BST1: variants seen among roughly 807,000 people sequenced by gnomAD.
BST1 encodes the protein ADP-ribosyl cyclase/cyclic ADP-ribose hydrolase 2.
BST1 carries 49 observed loss-of-function variants against 40.6 expected under a neutral mutation model. The observed-to-expected ratio is 1.21, with a 90% CI of 0.96 to 1.53. BST1 has a LOEUF of 1.53. Ranked by LOEUF, BST1 falls within the 40% of genes most tolerant of loss-of-function variation. The pLI is 0.00. For synonymous variants in BST1, 157 were observed against 159.3 expected (o/e 0.99, Z 0.11); for missense variants, 423 against 395.9 (o/e 1.07, Z -0.58).
intron 1 of BST1, chr4:15,704,905 T>C (rs1719792456): frequency 1.3e-6 from 1 of 769,364 alleles, no homozygotes; most frequent in African/African-American, 1.7e-5. Flanking sequence ...TCATTTTTAT[T>C]GTCGCACATT....
At chr4:15,739,747 A>G (rs1489720297), downstream of BST1, among the ~76,000 whole-genome samples, 2 of 152,190 alleles carry the variant, frequency 1.3e-5, no homozygotes, top group Non-Finnish European at 2.9e-5. Context: ...CTCTCAGGGG[A>G]ACACATTAAA....
intron 8 of BST1, among the ~76,000 whole-genome samples, chr4:15,727,548 A>G (rs1360651689): frequency 1.3e-5 from 2 of 152,250 alleles, no homozygotes; most frequent in African/African-American, 4.8e-5. Context: ...ATAATAATGG[A>G]AAACAAATTC....
chr4:15,724,179 G>T (rs1044429822), intron 8 of BST1, among the ~76,000 whole-genome samples: 7 of 152,086 alleles, frequency 4.6e-5, no homozygotes, highest in African/African-American at 1.7e-4. Context: ...CGTTCATTCT[G>T]TACCATCTGC....
intron 1 of BST1, among the ~76,000 whole-genome samples, chr4:15,703,689 A>ATG (rs371100446): frequency 1.6e-4 from 11 of 70,594 alleles, no homozygotes; most frequent in African/African-American, 4.0e-4. Flanking sequence ...CTAGAGGTGG[A>ATG]TGTGTGTGTG....
At chr4:15,765,496 G>A in the BST1 span, among the ~76,000 whole-genome samples, 2 of 151,816 alleles carry the variant, frequency 1.3e-5, no homozygotes, top group South Asian at 2.1e-4. Flanking sequence ...GACAAAACAC[G>A]TCGGGACATG....
chr4:15,712,021 A>G (rs916951918), intron 4 of BST1, 132 bp downstream of exon 4: 1 of 694,222 alleles, frequency 1.4e-6, no homozygotes, highest in Non-Finnish European at 2.5e-6. Context: ...TTACCACATC[A>G]TGATTCATGC....
At chr4:15,715,219 A>G in intron 4 of BST1, 66 bp from the exon 5 acceptor site, 1 of 1,436,918 alleles carries the variant, frequency 7.0e-7, no homozygotes, top group Non-Finnish European at 9.8e-7. Context: ...TTTGTAAAAA[A>G]TGCACATTTC....
the BST1 span, among the ~76,000 whole-genome samples, chr4:15,760,752 G>C: frequency 6.6e-6 from 1 of 151,272 alleles, no homozygotes; most frequent in Non-Finnish European, 1.5e-5. Context: ...GCAGTGGTGT[G>C]ATCTTGGCTT....
the BST1 span, among the ~76,000 whole-genome samples, chr4:15,754,543 T>C: frequency 6.6e-6 from 1 of 152,176 alleles, no homozygotes; most frequent in East Asian, 1.9e-4. Flanking sequence ...CTGTCAGCAC[T>C]GTGTGGTTTT....
intron 6 of BST1, among the ~76,000 whole-genome samples, chr4:15,717,019 C>T (rs1395978149): frequency 1.3e-5 from 2 of 152,004 alleles, no homozygotes; most frequent in Non-Finnish European, 1.5e-5. Context: ...TCAGGTGATC[C>T]ACCTGAGGCT....
downstream of BST1, among the ~76,000 whole-genome samples, chr4:15,734,985 T>C (rs925872350): frequency 1.3e-5 from 2 of 152,026 alleles, no homozygotes; most frequent in Admixed American, 1.3e-4. Flanking sequence ...GTGTAGACAC[T>C]GGTGTGTATT....
intron 8 of BST1, among the ~76,000 whole-genome samples, chr4:15,728,700 T>G (rs890376801): frequency 6.7e-6 from 1 of 150,088 alleles, no homozygotes; most frequent in Non-Finnish European, 1.5e-5. Context: ...TAGAGTTCAG[T>G]GGCTTGATCT....
downstream of BST1, among the ~76,000 whole-genome samples, chr4:15,740,430 G>C (rs1345577400): frequency 6.6e-6 from 1 of 152,128 alleles, no homozygotes; most frequent in Non-Finnish European, 1.5e-5. Flanking sequence ...TGTGCACTGG[G>C]GGAAACCTAA....
the BST1 span, among the ~76,000 whole-genome samples, chr4:15,747,794 T>G: frequency 6.6e-6 from 1 of 152,166 alleles, no homozygotes; most frequent in South Asian, 2.1e-4. Context: ...CTCAGTCTCC[T>G]GAGTAGCTAG....
intron 8 of BST1, 50 bp from the exon 9 acceptor site, chr4:15,731,690 A>T: frequency 6.4e-7 from 1 of 1,568,112 alleles, no homozygotes; most frequent in South Asian, 1.1e-5. Flanking sequence ...TTGAGCGTAG[A>T]TTCCATACAC....
chr4:15,713,373 A>T (rs1720325318), intron 4 of BST1, among the ~76,000 whole-genome samples: 2 of 151,756 alleles, frequency 1.3e-5, no homozygotes, highest in Admixed American at 1.3e-4. Context: ...TTCAGTAGAG[A>T]CAGGGTTTCA....
At chr4:15,725,815 G>A (rs1201901850) in intron 8 of BST1, among the ~76,000 whole-genome samples, 1 of 152,076 alleles carries the variant, frequency 6.6e-6, no homozygotes, top group Non-Finnish European at 1.5e-5. Flanking sequence ...AGGTTACCCT[G>A]ATCCCTGATC....
chr4:15,723,332 C>T (rs752131132), intron 8 of BST1: 6 of 160,580 alleles, frequency 3.7e-5, no homozygotes, highest in Admixed American at 6.4e-5. Flanking sequence ...CTGCAAGCTC[C>T]GCCTTCCGAG....
chr4:15,748,948 G>C, the BST1 span, among the ~76,000 whole-genome samples: 1 of 152,186 alleles, frequency 6.6e-6, no homozygotes, highest in East Asian at 1.9e-4. Context: ...CAGCACACCA[G>C]AGGAAGGGAG....
Sources: gnomAD v4.1 joint callset for allele counts (sites outside exome capture counted in the v4.1 genomes callset) on GRCh38, gnomAD v4.1.1 for gene constraint, MANE v1.5 for transcripts, NCBI Gene and HGNC (gene_info 2026-07-23, HGNC 2026-07-21) for gene names.